The following PAK1 variants were observed in gnomAD, a reference collection of about 807,000 sequenced individuals.
PAK1 encodes serine/threonine-protein kinase PAK 1.
A neutral mutation model predicts 67.4 loss-of-function variants in PAK1; 29 were observed. That is an observed-to-expected ratio of 0.43 (90% CI 0.32 to 0.59). The LOEUF (loss-of-function observed/expected upper bound fraction) is 0.59. Among genes scored for constraint, PAK1 ranks in the 20% least tolerant of loss-of-function variants. PAK1 has a pLI of 0.07. For synonymous variants in PAK1, 223 were observed against 237.4 expected (o/e 0.94, Z 0.56); for missense variants, 337 against 670.7 (o/e 0.50, Z 5.50).
At chr11:77,368,541 CAACACAAAA>C (rs1345164009) in intron 5 of PAK1, among the ~76,000 whole-genome samples, 22 of 152,004 alleles carry the variant, frequency 1.4e-4, no homozygotes, top group African/African-American at 5.1e-4. Flanking sequence ...ATAGGAATAC[CAACACAAAA>C]ATGCAAAGGG....
chr11:77,525,645 T>C, the PAK1 span, among the ~76,000 whole-genome samples: 1 of 152,144 alleles, frequency 6.6e-6, no homozygotes, highest in South Asian at 2.1e-4. Flanking sequence ...ACCAGCATAG[T>C]GAGATGATGG....
intron 2 of PAK1, among the ~76,000 whole-genome samples, chr11:77,383,695 G>A (rs1208258366): frequency 6.6e-6 from 1 of 152,106 alleles, no homozygotes; most frequent in Non-Finnish European, 1.5e-5. Flanking sequence ...GATTCAAGAG[G>A]CAGGAATACA....
chr11:77,377,027 C>T (rs1214040983), intron 4 of PAK1, among the ~76,000 whole-genome samples: 1 of 152,032 alleles, frequency 6.6e-6, no homozygotes, highest in Admixed American at 6.5e-5. Flanking sequence ...ACCAGTAATC[C>T]CAGAACTGTG....
the PAK1 span, among the ~76,000 whole-genome samples, chr11:77,485,910 A>T: frequency 6.6e-6 from 1 of 152,014 alleles, no homozygotes; most frequent in Non-Finnish European, 1.5e-5. Context: ...TTGATTCTCC[A>T]CCTCTCTTAC....
At chr11:77,482,397 C>A in the PAK1 span, among the ~76,000 whole-genome samples, 1 of 152,050 alleles carries the variant, frequency 6.6e-6, no homozygotes, top group African/African-American at 2.4e-5. Context: ...TCTTTCTATT[C>A]TTTTAATGAT....
the PAK1 span, among the ~76,000 whole-genome samples, chr11:77,521,752 A>C: frequency 6.6e-6 from 1 of 152,296 alleles, no homozygotes; most frequent in East Asian, 1.9e-4. Flanking sequence ...CCAAAAAGGA[A>C]ACCTCCAGGG....
In PAK1 at chr11:77,343,816, T is replaced by C. The variant is rs1944005228; in HGVS notation, c.998+3A>G. ...CCCTCTGATGGGACCCACCACTCCATACCTGTCCAAGTAATTCACAATGTT... is the reference window on the plus strand; with the variant it reads ...CCCTCTGATGGGACCCACCACTCCACACCTGTCCAAGTAATTCACAATGTT... On this transcript the variant is annotated splice_donor_region_variant and intron_variant, in intron 10 of 14. Transcript: ENST00000356341. 6.4e-7 allele frequency: 1 copy of C among 1,561,960 alleles called. No individual in the cohort carries two copies. Among genetic ancestry groups the C allele is most frequent in the Admixed American group, 1.7e-5 (1 of 59,932 alleles).
the PAK1 span, among the ~76,000 whole-genome samples, chr11:77,527,926 T>G: frequency 2.0e-5 from 3 of 152,034 alleles, no homozygotes; most frequent in African/African-American, 7.2e-5. Context: ...CACAGCTCAC[T>G]GGAGCCTCAA....
At chr11:77,391,569 T>C (rs985054090) in intron 2 of PAK1, among the ~76,000 whole-genome samples, 1 of 152,164 alleles carries the variant, frequency 6.6e-6, no homozygotes, top group Non-Finnish European at 1.5e-5. Flanking sequence ...AGGAGAACTT[T>C]ACTTCAGAGC....
chr11:77,468,227 T>C (rs112672990), intron 1 of PAK1, among the ~76,000 whole-genome samples: 5,014 of 152,278 alleles, frequency 0.033, 146 homozygotes, highest in African/African-American at 0.077. Flanking sequence ...ATTACCTAAC[T>C]CTGACTCCAG....
chr11:77,447,362 G>C (rs1225400754), intron 1 of PAK1, among the ~76,000 whole-genome samples: 5 of 141,988 alleles, frequency 3.5e-5, no homozygotes, highest in Non-Finnish European at 6.5e-5. Context: ...AACAAAAATA[G>C]GACAAAACTT....
At chr11:77,332,307 C>T (rs1245493709) in intron 14 of PAK1, among the ~76,000 whole-genome samples, 1 of 16,328 alleles carries the variant, frequency 6.1e-5, no homozygotes, top group Non-Finnish European at 1.2e-4. Flanking sequence ...GAGTGAGACC[C>T]TGTGGGGCGT....
At chr11:77,394,702 G>A (rs1386455289) in intron 1 of PAK1, among the ~76,000 whole-genome samples, 4 of 152,068 alleles carry the variant, frequency 2.6e-5, no homozygotes, top group Admixed American at 6.6e-5. Flanking sequence ...AAAATTAGCT[G>A]GGCATGGTGG....
intron 10 of PAK1, among the ~76,000 whole-genome samples, chr11:77,343,596 C>G (rs779875864): frequency 6.6e-6 from 1 of 152,170 alleles, no homozygotes; most frequent in Non-Finnish European, 1.5e-5. Context: ...CGAGGATCAA[C>G]TGTTAGAAGC....
chr11:77,347,885 AAT>A (rs1384546565), intron 9 of PAK1, among the ~76,000 whole-genome samples: 1 of 152,192 alleles, frequency 6.6e-6, no homozygotes, highest in Non-Finnish European at 1.5e-5. Context: ...ACATTTTATA[AAT>A]ATATAAAATT....
chr11:77,451,502 G>A (rs929483050), intron 1 of PAK1, among the ~76,000 whole-genome samples: 2 of 152,032 alleles, frequency 1.3e-5, no homozygotes, highest in Admixed American at 6.5e-5. Flanking sequence ...AAGTTTGCCT[G>A]TTTCTTTGCA....
At chr11:77,490,006 A>G in the PAK1 span, among the ~76,000 whole-genome samples, 2 of 133,204 alleles carry the variant, frequency 1.5e-5, no homozygotes, top group East Asian at 2.3e-4. Flanking sequence ...GAAGTGAGGA[A>G]CGCCTCTTCC....
intron 1 of PAK1, among the ~76,000 whole-genome samples, chr11:77,425,361 G>A (rs962964023): frequency 5.9e-5 from 9 of 151,578 alleles, no homozygotes; most frequent in African/African-American, 2.2e-4. Context: ...TGTTCTACTC[G>A]GTCAGCCAAG....
rs141925076 is a variant in PAK1 at position 77,422,287 on chromosome 11, C to T, written c.-21-29746G>A. Among the ~76,000 whole-genome samples the T allele has an allele frequency of 1.8e-3, 269 of 152,248 alleles. 1 individual carries two copies. The highest frequency in any genetic ancestry group is 7.3e-3 in the Admixed American group (112 of 15,294). ...TTAAAAAGTCACTAAAGGCAGGGCA[C>T]AGTGGCTCACACCTGTAATCCCAGC... On this transcript the variant is annotated intron_variant, in intron 1 of 14. Coordinates refer to ENST00000356341, the MANE Select transcript of PAK1 (RefSeq NM_002576.5).
Sources: allele counts gnomAD v4.1 joint callset (sites outside exome capture counted in the v4.1 genomes callset), GRCh38; gene constraint gnomAD v4.1.1; transcripts MANE v1.5; gene names NCBI Gene and HGNC (gene_info 2026-07-23, HGNC 2026-07-21).